The following KCTD16 variants were observed in gnomAD, a reference collection of about 807,000 sequenced individuals.
KCTD16 encodes BTB/POZ domain-containing protein KCTD16.
KCTD16 carries 13 observed loss-of-function variants against 33.2 expected under a neutral mutation model. The ratio of observed to expected loss-of-function variants is 0.39; its 90% CI spans 0.25 to 0.62. KCTD16 has a LOEUF of 0.62. Among genes scored for constraint, KCTD16 ranks in the 20% least tolerant of loss-of-function variants. The pLI is 0.50. For missense variants in KCTD16, 441 were observed against 525.1 expected (o/e 0.84, Z 1.57); for synonymous variants, 197 against 195.3 (o/e 1.01, Z -0.07).
chr5:144,430,490 C>T (rs1230794130), intron 3 of KCTD16, among the ~76,000 whole-genome samples: 2 of 152,074 alleles, frequency 1.3e-5, no homozygotes, highest in Non-Finnish European at 2.9e-5. Flanking sequence ...TATGTGGCCT[C>T]AGGCAAGTCA....
intron 3 of KCTD16, among the ~76,000 whole-genome samples, chr5:144,389,221 C>G (rs546958348): frequency 6.6e-6 from 1 of 152,316 alleles, no homozygotes; most frequent in East Asian, 1.9e-4. Flanking sequence ...CCCCAACCCC[C>G]AGGCCACGGA....
At chr5:144,221,797 GCGT>G (rs1753764831) in intron 3 of KCTD16, among the ~76,000 whole-genome samples, 1 of 152,150 alleles carries the variant, frequency 6.6e-6, no homozygotes. Context: ...TGGGATTGCT[GCGT>G]CAAATGGTAT....
At chr5:144,365,467 A>G (rs1228501762) in intron 3 of KCTD16, among the ~76,000 whole-genome samples, 6 of 152,228 alleles carry the variant, frequency 3.9e-5, no homozygotes, top group Admixed American at 3.9e-4. Context: ...AAACTAATTA[A>G]GCACATGTTG....
intron 3 of KCTD16, among the ~76,000 whole-genome samples, chr5:144,309,075 C>A (rs1751686391): frequency 6.6e-6 from 1 of 152,190 alleles, no homozygotes; most frequent in South Asian, 2.1e-4. Context: ...TCACCTACAT[C>A]TGCTGTGATG....
rs148009904 is a variant in KCTD16 at position 144,415,648 on chromosome 5, T to C, written c.833-58012T>C. Among the ~76,000 whole-genome samples, 919 of 152,328 alleles carry C rather than the reference T, an allele frequency of 6.0e-3. 30 individuals carry two copies. The highest frequency in any genetic ancestry group is 0.015 in the East Asian group (80 of 5,186). On this transcript the variant is annotated intron_variant, in intron 3 of 3. Transcript: ENST00000512467. ...CATGGACAAACAGTTGACTTTGATT[T>C]TGAGCAAATTTCTCTCTGAGAAACA... is the stretch of plus-strand genomic sequence containing the variant.
intron 3 of KCTD16, among the ~76,000 whole-genome samples, chr5:144,338,529 G>A (rs919145632): frequency 1.3e-5 from 2 of 152,184 alleles, no homozygotes; most frequent in Non-Finnish European, 2.9e-5. Context: ...AAGGAGGGCA[G>A]GGGTGATTAT....
At chr5:144,467,040 ATAATATATATAACACTATATG>A (rs1754355805) in intron 3 of KCTD16, among the ~76,000 whole-genome samples, 3 of 59,900 alleles carry the variant, frequency 5.0e-5, no homozygotes, top group South Asian at 4.9e-4. Context: ...TATATTATAT[ATAATATATATAACACTATATG>A]TATTATATAT....
intron 2 of KCTD16, among the ~76,000 whole-genome samples, chr5:144,200,074 G>A (rs1468228334): frequency 6.6e-6 from 1 of 151,782 alleles, no homozygotes; most frequent in Non-Finnish European, 1.5e-5. Flanking sequence ...CATGCACACC[G>A]CAAAAATTTT....
intron 2 of KCTD16, among the ~76,000 whole-genome samples, chr5:144,197,467 T>C (rs915887201): frequency 6.6e-6 from 1 of 152,182 alleles, no homozygotes. Context: ...TGGATACCAC[T>C]GGCCTAATTG....
intron 2 of KCTD16, among the ~76,000 whole-genome samples, chr5:144,198,822 G>A (rs1371707069): frequency 2.0e-5 from 3 of 152,076 alleles, no homozygotes; most frequent in East Asian, 1.9e-4. Flanking sequence ...TTACTTTCTC[G>A]TATTCCTCTC....
At chr5:144,221,348 A>G (rs1187537873) in intron 3 of KCTD16, among the ~76,000 whole-genome samples, 1 of 152,122 alleles carries the variant, frequency 6.6e-6, no homozygotes, top group Non-Finnish European at 1.5e-5. Flanking sequence ...TACACATGCC[A>G]TGGTGGTTTG....
Position 144,181,826 on chromosome 5 carries a change from G to C in KCTD16, c.-327+7354G>C, listed in dbSNP as rs547561734. Among the ~76,000 whole-genome samples the C allele has an allele frequency of 8.5e-5, 13 of 152,296 alleles. No individual in the cohort carries two copies. In the South Asian group the frequency reaches 2.7e-3, roughly 32 times the overall value. On this transcript the variant is annotated intron_variant, in intron 2 of 3. Coordinates refer to ENST00000512467, the MANE Select transcript of KCTD16 (RefSeq NM_020768.4). ...GAGGTGATCAGGGCAGGGCACGGTG[G>C]CTCATGCCTGTAATCCTAGCACTTT...
intron 3 of KCTD16, among the ~76,000 whole-genome samples, chr5:144,402,037 G>A (rs2126946946): frequency 6.6e-6 from 1 of 152,304 alleles, no homozygotes; most frequent in East Asian, 1.9e-4. Context: ...CTCATAGTCT[G>A]TTCTGGACAT....
chr5:144,299,117 T>C, intron 3 of KCTD16, among the ~76,000 whole-genome samples: 1 of 17,948 alleles, frequency 5.6e-5, no homozygotes, highest in Non-Finnish European at 9.1e-5. Flanking sequence ...TATATATATA[T>C]ATATATATAT....
At chr5:144,294,474 A>T (rs779160188) in intron 3 of KCTD16, among the ~76,000 whole-genome samples, 3 of 150,190 alleles carry the variant, frequency 2.0e-5, no homozygotes, top group Non-Finnish European at 4.5e-5. Flanking sequence ...GTATGTAAGC[A>T]TTTTGTATAT....
At chr5:144,199,670 C>G (rs1753004211) in intron 2 of KCTD16, among the ~76,000 whole-genome samples, 1 of 148,658 alleles carries the variant, frequency 6.7e-6, no homozygotes, top group African/African-American at 2.5e-5. Context: ...CCAAATTGTG[C>G]ACTCCTAACT....
At chr5:144,200,616 G>A (rs1213437209) in intron 2 of KCTD16, among the ~76,000 whole-genome samples, 3 of 152,174 alleles carry the variant, frequency 2.0e-5, no homozygotes, top group African/African-American at 7.2e-5. Context: ...TTATAGATAT[G>A]GAAGCAGAGG....
intron 3 of KCTD16, among the ~76,000 whole-genome samples, chr5:144,335,352 A>G (rs925884794): frequency 6.6e-6 from 1 of 152,240 alleles, no homozygotes; most frequent in African/African-American, 2.4e-5. Flanking sequence ...TAAATAGCTT[A>G]TAGCCAGGAT....
At chr5:144,237,604 C>T (rs958021952) in intron 3 of KCTD16, among the ~76,000 whole-genome samples, 1 of 151,844 alleles carries the variant, frequency 6.6e-6, no homozygotes, top group African/African-American at 2.4e-5. Flanking sequence ...GATTATTTTC[C>T]CTAAATCTAT....
Sources: allele counts gnomAD v4.1 joint callset (sites outside exome capture counted in the v4.1 genomes callset), GRCh38; gene constraint gnomAD v4.1.1; transcripts MANE v1.5; gene names NCBI Gene and HGNC (gene_info 2026-07-23, HGNC 2026-07-21).